Variants in RUNX2 observed in about 807,000 individuals in gnomAD.
RUNX2 encodes runt-related transcription factor 2.
RUNX2 carries 10 observed loss-of-function variants against 51.7 expected under a neutral mutation model. The ratio of observed to expected loss-of-function variants is 0.19; its 90% CI spans 0.12 to 0.33. The LOEUF (loss-of-function observed/expected upper bound fraction) is 0.33, where lower values mean the gene tolerates loss of function less well. Among genes scored for constraint, RUNX2 ranks in the 10% least tolerant of loss-of-function variants. The probability of loss-of-function intolerance (pLI) is 1.00; values close to 1 mark genes in which losing one functional copy is unlikely to be tolerated. For missense variants in RUNX2, 562 were observed against 691.3 expected, an observed-to-expected ratio of 0.81 and a Z score of 2.10; for synonymous variants, 276 against 273.6, an observed-to-expected ratio of 1.01 and a Z score of -0.09.
chr6:45,334,355 A>T (rs1033558275), intron 2 of RUNX2, among the ~76,000 whole-genome samples: 19 of 148,338 alleles, frequency 1.3e-4, no homozygotes, highest in Non-Finnish European at 1.8e-4. Context: ...ACACATTTGT[A>T]GGTTCCCCTA....
intron 2 of RUNX2, among the ~76,000 whole-genome samples, chr6:45,414,990 T>A (rs1237423746): frequency 6.6e-6 from 1 of 152,184 alleles, no homozygotes; most frequent in East Asian, 1.9e-4. Context: ...TTAAAATATA[T>A]GTCCTCTAAT....
chr6:45,453,574 T>C (rs1799234819), intron 5 of RUNX2, among the ~76,000 whole-genome samples: 1 of 152,194 alleles, frequency 6.6e-6, no homozygotes, highest in South Asian at 2.1e-4. Context: ...AGAGGTACTG[T>C]GATAGAGACA....
chr6:45,397,422 T>C (rs1797608114), intron 2 of RUNX2, among the ~76,000 whole-genome samples: 1 of 152,110 alleles, frequency 6.6e-6, no homozygotes, highest in South Asian at 2.1e-4. Context: ...ATTTCAAACT[T>C]TTAAAAAGAT....
At chr6:45,335,514 A>G (rs1788370666) in intron 2 of RUNX2, among the ~76,000 whole-genome samples, 1 of 151,312 alleles carries the variant, frequency 6.6e-6, no homozygotes, top group Non-Finnish European at 1.5e-5. Context: ...GCTCATTAAA[A>G]TACATTTTTT....
At chr6:45,493,520 G>A (rs1025957313) in intron 6 of RUNX2, among the ~76,000 whole-genome samples, 3 of 152,038 alleles carry the variant, frequency 2.0e-5, no homozygotes, top group African/African-American at 4.8e-5. Context: ...GGGGGCGGTG[G>A]TGAGGGTTGA....
chr6:45,362,670 T>C (rs1241506159), intron 2 of RUNX2, among the ~76,000 whole-genome samples: 1 of 152,190 alleles, frequency 6.6e-6, no homozygotes, highest in African/African-American at 2.4e-5. Flanking sequence ...AATGTAACTA[T>C]TAGGAGTGGC....
At chr6:45,497,287 C>T (rs533321401) in intron 6 of RUNX2, among the ~76,000 whole-genome samples, 5 of 152,208 alleles carry the variant, frequency 3.3e-5, no homozygotes, top group Admixed American at 1.3e-4. Context: ...ATTTTCCCTG[C>T]ATGTAAATGC....
At chr6:45,385,000 GC>G (rs1797320921) in intron 2 of RUNX2, among the ~76,000 whole-genome samples, 1 of 152,046 alleles carries the variant, frequency 6.6e-6, no homozygotes, top group Non-Finnish European at 1.5e-5. Flanking sequence ...ACTATGCCCA[GC>G]CTATTTTTTC....
intron 3 of RUNX2, among the ~76,000 whole-genome samples, chr6:45,430,891 A>G (rs901290768): frequency 2.0e-5 from 3 of 152,218 alleles, no homozygotes; most frequent in African/African-American, 7.2e-5. Context: ...ACCAAGGGGC[A>G]GGATCTTGGC....
At chr6:45,471,706 G>A (rs2150393673) in intron 5 of RUNX2, among the ~76,000 whole-genome samples, 1 of 152,084 alleles carries the variant, frequency 6.6e-6, no homozygotes, top group East Asian at 1.9e-4. Flanking sequence ...CAAAGTGCTG[G>A]GATTACAGGC....
intron 5 of RUNX2, among the ~76,000 whole-genome samples, chr6:45,490,805 A>T (rs907111082): frequency 6.6e-6 from 1 of 152,120 alleles, no homozygotes; most frequent in African/African-American, 2.4e-5. Flanking sequence ...TTCTTCCTCG[A>T]ATCAGCTTCA....
intron 2 of RUNX2, among the ~76,000 whole-genome samples, chr6:45,374,244 C>T: frequency 6.6e-6 from 1 of 152,180 alleles, no homozygotes; most frequent in Middle Eastern, 3.2e-3. Context: ...TGTTCACCAA[C>T]CCACATAACA....
intron 6 of RUNX2, among the ~76,000 whole-genome samples, chr6:45,494,096 AC>A (rs1800568738): frequency 6.6e-6 from 1 of 152,186 alleles, no homozygotes; most frequent in Non-Finnish European, 1.5e-5. Flanking sequence ...ATATTGTGAA[AC>A]CAATGGCTGG....
rs1437206101 is a variant in RUNX2 at position 45,459,623 on chromosome 6, G to A, written c.685+21572G>A. Reference sequence around the variant, plus strand: ...TGCCATATGACAGACATTCTTCTATGTGTTAGGAATATAGCCTTTAACAAA... The same window carrying A: ...TGCCATATGACAGACATTCTTCTATATGTTAGGAATATAGCCTTTAACAAA... On this transcript the variant is annotated intron_variant, in intron 5 of 8. Coordinates refer to ENST00000647337, the MANE Select transcript of RUNX2 (RefSeq NM_001024630.4). 3.3e-5 allele frequency among the ~76,000 whole-genome samples: 5 copies of A among 152,178 alleles called. No individual in the cohort carries two copies. In the East Asian group the frequency reaches 9.6e-4, roughly 29 times the overall value.
chr6:45,423,290 C>T (rs1024154646), intron 3 of RUNX2, among the ~76,000 whole-genome samples: 1 of 152,130 alleles, frequency 6.6e-6, no homozygotes, highest in Non-Finnish European at 1.5e-5. Flanking sequence ...CCCCAGGATC[C>T]CCAAAGTACC....
At chr6:45,400,472 A>G (rs1003776502) in intron 2 of RUNX2, among the ~76,000 whole-genome samples, 1 of 152,170 alleles carries the variant, frequency 6.6e-6, no homozygotes, top group Non-Finnish European at 1.5e-5. Flanking sequence ...TTTACTTGTC[A>G]ACTGGTATTT....
chr6:45,528,252 A>G (rs1801732613), intron 7 of RUNX2, among the ~76,000 whole-genome samples: 1 of 152,140 alleles, frequency 6.6e-6, no homozygotes, highest in Non-Finnish European at 1.5e-5. Context: ...CAGCCAAACC[A>G]TATCAACATT....
chr6:45,337,860 A>C (rs990662055), intron 2 of RUNX2, among the ~76,000 whole-genome samples: 1 of 152,012 alleles, frequency 6.6e-6, no homozygotes, highest in Non-Finnish European at 1.5e-5. Context: ...CTGTAAGTAG[A>C]AATAAGATTT....
At chr6:45,357,445 C>T (rs1793444272) in intron 2 of RUNX2, among the ~76,000 whole-genome samples, 1 of 142,196 alleles carries the variant, frequency 7.0e-6, no homozygotes, top group South Asian at 2.2e-4. Flanking sequence ...ATCCTCCTGC[C>T]TCAGCCTCCC....
Sources: gnomAD v4.1 joint callset for allele counts (sites outside exome capture counted in the v4.1 genomes callset) on GRCh38, gnomAD v4.1.1 for gene constraint, MANE v1.5 for transcripts, NCBI Gene and HGNC (gene_info 2026-07-23, HGNC 2026-07-21) for gene names.